PRKAR1B: variants seen among roughly 807,000 people sequenced by gnomAD.
PRKAR1B encodes cAMP-dependent protein kinase type I-beta regulatory subunit.
PRKAR1B carries 22 observed loss-of-function variants against 46.5 expected under a neutral mutation model. The observed-to-expected ratio is 0.47, with a 90% CI of 0.34 to 0.68. PRKAR1B has a LOEUF of 0.68. Ranked by LOEUF, PRKAR1B falls within the 30% of genes least tolerant of loss-of-function variation. The probability of loss-of-function intolerance (pLI) is 0.01; values close to 1 mark genes in which losing one functional copy is unlikely to be tolerated. For missense variants in PRKAR1B, 445 were observed against 535.6 expected (o/e 0.83, Z 1.67); for synonymous variants, 259 against 217.7 (o/e 1.19, Z -1.67).
intron 4 of PRKAR1B, among the ~76,000 whole-genome samples, chr7:619,162 C>T (rs894333111): frequency 2.6e-5 from 4 of 152,150 alleles, no homozygotes; most frequent in African/African-American, 9.7e-5. Context: ...ACAGTGTCCA[C>T]GCAGAGCGAA....
At chr7:584,720 G>A in intron 7 of PRKAR1B, 152 bp from the exon 8 acceptor site, 1 of 677,078 alleles carries the variant, frequency 1.5e-6, no homozygotes, top group Non-Finnish European at 2.6e-6. Flanking sequence ...CTCGGAGTCT[G>A]CGTGAGCTGC....
At chr7:711,240 A>G (rs889555721) in intron 2 of PRKAR1B, 89 bp downstream of exon 2, 1 of 1,524,388 alleles carries the variant, frequency 6.6e-7, no homozygotes, top group Non-Finnish European at 8.9e-7. Flanking sequence ...GCCTTCGAGG[A>G]CCACGGGACA....
chr7:557,035 GCGGCCCCTCCCACCCC>G (rs1405963938), intron 9 of PRKAR1B, among the ~76,000 whole-genome samples: 2 of 152,220 alleles, frequency 1.3e-5, no homozygotes, highest in Non-Finnish European at 2.9e-5. Flanking sequence ...AGAACCAGGT[GCGGCCCCTCCCACCCC>G]CGGCCTGGGC....
intron 6 of PRKAR1B, among the ~76,000 whole-genome samples, chr7:604,133 C>T (rs1003657988): frequency 3.9e-5 from 6 of 152,208 alleles, no homozygotes; most frequent in Non-Finnish European, 5.9e-5. Context: ...CCATCAGGCC[C>T]TGGTGTCTGG....
chr7:585,865 C>T (rs1315010228), intron 7 of PRKAR1B, among the ~76,000 whole-genome samples: 5 of 152,182 alleles, frequency 3.3e-5, no homozygotes, highest in Non-Finnish European at 5.9e-5. Flanking sequence ...TGAATGGGGA[C>T]GTATTTTACC....
intron 6 of PRKAR1B, among the ~76,000 whole-genome samples, chr7:600,484 C>A (rs1395891094): frequency 6.6e-6 from 1 of 152,184 alleles, no homozygotes; most frequent in Non-Finnish European, 1.5e-5. Flanking sequence ...CAGAGCGAGA[C>A]CCCATCTCAA....
intron 2 of PRKAR1B, among the ~76,000 whole-genome samples, chr7:698,068 G>A (rs1779864801): frequency 1.1e-5 from 1 of 93,310 alleles, no homozygotes; most frequent in Middle Eastern, 5.0e-3. Flanking sequence ...GGAGGGGAGG[G>A]GAGGGAAGGG....
chr7:581,189 G>C (rs1780162296), intron 8 of PRKAR1B, among the ~76,000 whole-genome samples: 1 of 151,664 alleles, frequency 6.6e-6, no homozygotes, highest in African/African-American at 2.4e-5. Context: ...TGTAGTCCCA[G>C]CTACTCCGGA....
chr7:625,382 C>A (rs2128475631), intron 4 of PRKAR1B, among the ~76,000 whole-genome samples: 1 of 152,082 alleles, frequency 6.6e-6, no homozygotes, highest in East Asian at 1.9e-4. Context: ...TCCAAAGCAA[C>A]AAAAAGAAAA....
At chr7:679,372 G>A (rs1033920410) in intron 3 of PRKAR1B, among the ~76,000 whole-genome samples, 2 of 152,222 alleles carry the variant, frequency 1.3e-5, no homozygotes, top group African/African-American at 4.8e-5. Flanking sequence ...CTCCTCGTGT[G>A]CCGTGAGCAG....
At chr7:683,297 T>G (rs1414090178) in intron 2 of PRKAR1B, among the ~76,000 whole-genome samples, 1 of 152,208 alleles carries the variant, frequency 6.6e-6, no homozygotes. Flanking sequence ...ATCCCCTTCC[T>G]TGACTTTCAA....
chr7:664,498 G>A lies in PRKAR1B; in HGVS notation c.440+12731C>T, dbSNP rs1426103140. 2.6e-5 allele frequency among the ~76,000 whole-genome samples: 4 copies of A among 152,226 alleles called. No individual in the cohort carries two copies. In the East Asian group the frequency reaches 7.7e-4, roughly 29 times the overall value. On this transcript the variant is annotated intron_variant, in intron 4 of 10. Coordinates refer to ENST00000537384, the MANE Select transcript of PRKAR1B (RefSeq NM_001164760.2). ...GTGCTGGAGGCAGAGGCCACGTGCA[G>A]CATCTCAGCCCCCAGGTCTGCAGGG... is the stretch of plus-strand genomic sequence containing the variant.
intron 4 of PRKAR1B, among the ~76,000 whole-genome samples, chr7:651,317 G>A (rs1382403646): frequency 1.3e-5 from 2 of 152,210 alleles, no homozygotes; most frequent in Non-Finnish European, 2.9e-5. Flanking sequence ...CATGATCCAT[G>A]TTGACTGACA....
chr7:571,250 C>T (rs1779495197), intron 9 of PRKAR1B, among the ~76,000 whole-genome samples: 2 of 152,162 alleles, frequency 1.3e-5, no homozygotes, highest in Admixed American at 1.3e-4. Flanking sequence ...CGGGTCTGTC[C>T]GAGACCCCAG....
chr7:716,194 C>T (rs1028350247), intron 1 of PRKAR1B, among the ~76,000 whole-genome samples: 3 of 151,324 alleles, frequency 2.0e-5, no homozygotes, highest in African/African-American at 2.4e-5. Context: ...ATCACAGGTG[C>T]ACACCGCCAC....
chr7:565,208 G>C (rs892795578), intron 9 of PRKAR1B: 1 of 152,234 alleles, frequency 6.6e-6, no homozygotes, highest in Non-Finnish European at 1.5e-5. Context: ...CTGGGGTCTG[G>C]GGCAGCCTTT....
At chr7:682,368 C>T (rs1388479802) in intron 2 of PRKAR1B, among the ~76,000 whole-genome samples, 1 of 151,966 alleles carries the variant, frequency 6.6e-6, no homozygotes, top group Non-Finnish European at 1.5e-5. Flanking sequence ...GTGGCTCACG[C>T]CTATAATCCC....
rs542480041 is a variant in PRKAR1B at position 583,774 on chromosome 7, T to A, written c.769+734A>T. ...CATGTGCACTCGCACCCATGCACAC[T>A]CACGTGTACACCCATGTGCACTCAC... On this transcript the variant is annotated intron_variant, in intron 8 of 10. Coordinates refer to ENST00000537384, the MANE Select transcript of PRKAR1B (RefSeq NM_001164760.2). 2.9e-3 allele frequency among the ~76,000 whole-genome samples: 424 copies of A among 148,394 alleles called. 4 individuals are homozygous for A. Among genetic ancestry groups the A allele is most frequent in the African/African-American group, 7.3e-3 (294 of 40,072 alleles).
intron 8 of PRKAR1B, among the ~76,000 whole-genome samples, chr7:580,752 A>C (rs957993076): frequency 7.9e-4 from 120 of 151,970 alleles, no homozygotes; most frequent in African/African-American, 2.8e-3. Flanking sequence ...GACAAAAAAA[A>C]AAAAAAAAAA....
Sources: allele counts gnomAD v4.1 joint callset (sites outside exome capture counted in the v4.1 genomes callset), GRCh38; gene constraint gnomAD v4.1.1; transcripts MANE v1.5; gene names NCBI Gene and HGNC (gene_info 2026-07-23, HGNC 2026-07-21).